KIAA1217: variants seen among roughly 807,000 people sequenced by gnomAD.
KIAA1217 encodes sickle tail protein homolog.
KIAA1217 carries 88 observed loss-of-function variants against 163.9 expected under a neutral mutation model. The observed-to-expected ratio is 0.54, with a 90% confidence interval of 0.45 to 0.64. The LOEUF is 0.64. Ranked by LOEUF, KIAA1217 falls within the 30% of genes least tolerant of loss-of-function variation. The pLI is 0.00. For synonymous variants in KIAA1217, 903 were observed against 923.1 expected, an observed-to-expected ratio of 0.98 and a Z score of 0.39; for missense variants, 2,372 against 2,475.0, an observed-to-expected ratio of 0.96 and a Z score of 0.88.
chr10:23,893,645 C>G (rs12260725), intron 1 of KIAA1217, among the ~76,000 whole-genome samples: 2,486 of 152,040 alleles, frequency 0.016, 67 homozygotes, highest in African/African-American at 0.056. Flanking sequence ...ATAAATTTCC[C>G]TCTACACACT....
At chr10:23,918,469 G>A (rs968543320) in intron 1 of KIAA1217, among the ~76,000 whole-genome samples, 20 of 152,226 alleles carry the variant, frequency 1.3e-4, no homozygotes, top group African/African-American at 2.9e-4. Flanking sequence ...GTGTTTAGCC[G>A]TGATAACCTT....
At position 24,531,857 on chromosome 10, in the gene KIAA1217, T is replaced by G; in HGVS notation, c.3110T>G (p.Leu1037Trp). 1.2e-6 allele frequency: 2 copies of G among 1,605,368 alleles called. No individual in the cohort carries two copies. Among genetic ancestry groups the G allele is most frequent in the Non-Finnish European group, 1.7e-6 (2 of 1,174,914 alleles). Residue 1037 changes from leucine (L) to tryptophan (W), a missense_variant, in exon 15 of 21, where the codon TTG becomes TGG. By Grantham distance (61) the Leu-to-Trp change is moderately conservative (BLOSUM62 -2). This residue lies in a region of KIAA1217 where 1,431 missense variants were observed against 1,470.3 expected (regional missense o/e 0.97). Coordinates refer to ENST00000376454, the MANE Select transcript of KIAA1217 (RefSeq NM_019590.5). Reference protein sequence around the residue: ...SEDSPNSEQDLEKLGGKSPPP... With the variant: ...SEDSPNSEQDWEKLGGKSPPP... ...GATTCTCCAAATTCGGAACAGGACT[T>G]GGAAAAGCTGGGGGGAAAGTCGCCC... is the stretch of plus-strand genomic sequence containing the variant.
intron 2 of KIAA1217, among the ~76,000 whole-genome samples, chr10:24,064,304 G>C (rs2060850894): frequency 6.6e-6 from 1 of 152,108 alleles, no homozygotes; most frequent in Admixed American, 6.5e-5. Flanking sequence ...TTATTATTTT[G>C]AGATACATCC....
intron 6 of KIAA1217, among the ~76,000 whole-genome samples, chr10:24,484,029 A>C (rs968362097): frequency 6.6e-6 from 1 of 151,836 alleles, no homozygotes; most frequent in African/African-American, 2.4e-5. Context: ...TTCCCTAAGA[A>C]AAGCCCTGCC....
intron 2 of KIAA1217, among the ~76,000 whole-genome samples, chr10:24,033,801 GT>G (rs1156816607): frequency 6.6e-6 from 1 of 152,186 alleles, no homozygotes; most frequent in African/African-American, 2.4e-5. Flanking sequence ...TACAAACAAA[GT>G]TTTATTGGAA....
chr10:24,270,034 C>T (rs1044543072), intron 2 of KIAA1217, among the ~76,000 whole-genome samples: 1 of 152,174 alleles, frequency 6.6e-6, no homozygotes, highest in African/African-American at 2.4e-5. Flanking sequence ...GGGCAGTAAG[C>T]GTTAGAACAC....
At chr10:23,819,856 T>A (rs1325243054) in intron 1 of KIAA1217, among the ~76,000 whole-genome samples, 1 of 152,204 alleles carries the variant, frequency 6.6e-6, no homozygotes, top group Non-Finnish European at 1.5e-5. Flanking sequence ...TGAGTCATTT[T>A]TTTAGCGCTA....
chr10:24,180,915 C>T (rs750260528), intron 2 of KIAA1217, among the ~76,000 whole-genome samples: 1 of 152,150 alleles, frequency 6.6e-6, no homozygotes. Flanking sequence ...CAAAATTCAT[C>T]CCCTATTGTT....
chr10:23,923,369 A>G (rs992398754), intron 1 of KIAA1217, among the ~76,000 whole-genome samples: 3 of 152,198 alleles, frequency 2.0e-5, no homozygotes, highest in African/African-American at 7.2e-5. Flanking sequence ...GAATGGTGAG[A>G]AAGTCACACT....
chr10:24,241,924 C>G (rs926476700), intron 2 of KIAA1217, among the ~76,000 whole-genome samples: 4 of 151,980 alleles, frequency 2.6e-5, no homozygotes, highest in South Asian at 2.1e-4. Context: ...GTAGGCTCAT[C>G]GAGGGGGATT....
intron 1 of KIAA1217, among the ~76,000 whole-genome samples, chr10:23,778,035 G>T (rs550505429): frequency 5.4e-5 from 8 of 148,164 alleles, no homozygotes; most frequent in Non-Finnish European, 1.2e-4. Context: ...CACCGCCTCC[G>T]GGTTCAAGTG....
chr10:24,485,653 T>C (rs1592310222), intron 6 of KIAA1217, among the ~76,000 whole-genome samples: 1 of 152,216 alleles, frequency 6.6e-6, no homozygotes, highest in Non-Finnish European at 1.5e-5. Context: ...AAATATTTGT[T>C]GAATGAATGA....
At chr10:24,323,190 A>G (rs1415510936) in intron 2 of KIAA1217, among the ~76,000 whole-genome samples, 3 of 152,128 alleles carry the variant, frequency 2.0e-5, no homozygotes. Flanking sequence ...TCCCGACCTC[A>G]AGTGATTCTG....
At chr10:24,361,839 G>A (rs1473700122) in intron 2 of KIAA1217, among the ~76,000 whole-genome samples, 1 of 151,954 alleles carries the variant, frequency 6.6e-6, no homozygotes, top group Non-Finnish European at 1.5e-5. Flanking sequence ...GCCAGGCGTG[G>A]TGGCGGGCGC....
At chr10:23,871,377 G>A (rs943091673) in intron 1 of KIAA1217, among the ~76,000 whole-genome samples, 1 of 152,022 alleles carries the variant, frequency 6.6e-6, no homozygotes, top group African/African-American at 2.4e-5. Flanking sequence ...CCACATGTGC[G>A]GTTTGGGGTC....
intron 5 of KIAA1217, among the ~76,000 whole-genome samples, chr10:24,447,406 G>T (rs1420056699): frequency 6.6e-6 from 1 of 151,948 alleles, no homozygotes; most frequent in Non-Finnish European, 1.5e-5. Context: ...CCCACAACAG[G>T]CCCCGGTGTG....
At chr10:24,502,708 T>C (rs2067823163) in intron 9 of KIAA1217, among the ~76,000 whole-genome samples, 1 of 152,144 alleles carries the variant, frequency 6.6e-6, no homozygotes, top group African/African-American at 2.4e-5. Flanking sequence ...TGCTAGAAGA[T>C]AGGGCCAGGT....
intron 1 of KIAA1217, among the ~76,000 whole-genome samples, chr10:23,984,247 C>T (rs1407624295): frequency 6.6e-6 from 1 of 152,184 alleles, no homozygotes; most frequent in Non-Finnish European, 1.5e-5. Context: ...GCAAATATGT[C>T]CTTCCTGGTG....
chr10:24,266,895 C>T (rs901264837), intron 2 of KIAA1217, among the ~76,000 whole-genome samples: 11 of 152,168 alleles, frequency 7.2e-5, no homozygotes, highest in African/African-American at 1.2e-4. Context: ...CTACTGCTCA[C>T]GCTTTGGGTC....
Sources: gnomAD v4.1 joint callset for allele counts (sites outside exome capture counted in the v4.1 genomes callset) on GRCh38, gnomAD v4.1.1 for gene constraint, gnomAD v4.1.1 regional missense constraint, MANE v1.5 for transcripts, NCBI Gene and HGNC (gene_info 2026-07-23, HGNC 2026-07-21) for gene names.